The following UNC13B variants were observed in gnomAD, a reference collection of about 807,000 sequenced individuals.
The protein encoded by UNC13B is protein unc-13 homolog B.
UNC13B carries 144 observed loss-of-function variants against 211.0 expected under a neutral mutation model. That is an observed-to-expected ratio of 0.68 (90% CI 0.60 to 0.78). The LOEUF (loss-of-function observed/expected upper bound fraction) is 0.78, where lower values mean the gene tolerates loss of function less well. UNC13B is among the 30% of genes least tolerant of loss of function. The pLI, the probability that UNC13B is intolerant of heterozygous loss-of-function variation, is 0.00. For synonymous variants in UNC13B, 709 were observed against 725.8 expected (o/e 0.98, Z 0.37); for missense variants, 1,777 against 2,002.0 (o/e 0.89, Z 2.14).
intron 15 of UNC13B, 70 bp downstream of exon 15, chr9:35,376,317 G>A: frequency 2.0e-6 from 3 of 1,486,990 alleles, no homozygotes; most frequent in Non-Finnish European, 2.8e-6. Context: ...CTGCAGCAAA[G>A]AGCTGGGATG....
At chr9:35,392,723 C>T (rs1381396035) in intron 26 of UNC13B, among the ~76,000 whole-genome samples, 1 of 151,386 alleles carries the variant, frequency 6.6e-6, no homozygotes, top group African/African-American at 2.4e-5. Flanking sequence ...AGTGCACCAG[C>T]ATGGCACATG....
intron 11 of UNC13B, among the ~76,000 whole-genome samples, chr9:35,316,973 CA>C (rs202143711): frequency 6.6e-6 from 1 of 151,906 alleles, no homozygotes; most frequent in Non-Finnish European, 1.5e-5. Context: ...TTAGTTACAG[CA>C]AAAAAATTTT....
intron 1 of UNC13B, among the ~76,000 whole-genome samples, chr9:35,198,516 C>A (rs557851950): frequency 2.0e-5 from 3 of 152,042 alleles, no homozygotes; most frequent in Non-Finnish European, 4.4e-5. Flanking sequence ...TATAGCAGTA[C>A]GAGAACAGAC....
At chr9:35,355,608 A>G (rs577479548) in intron 11 of UNC13B, among the ~76,000 whole-genome samples, 3 of 152,160 alleles carry the variant, frequency 2.0e-5, no homozygotes, top group African/African-American at 7.2e-5. Context: ...TGCACTTTCT[A>G]TTCTTAATAC....
At chr9:35,246,243 G>A (rs1184292212) in intron 6 of UNC13B, among the ~76,000 whole-genome samples, 1 of 151,948 alleles carries the variant, frequency 6.6e-6, no homozygotes, top group Non-Finnish European at 1.5e-5. Context: ...GTAGATTCTG[G>A]ATATTAGCCC....
rs573643576 is a variant in UNC13B, at chr9:35,301,022, T to C, written c.1618T>C (p.Phe540Leu). 1.3e-4 allele frequency: 52 copies of C among 398,974 alleles called. No individual in the cohort carries two copies. In the East Asian group the frequency reaches 1.8e-3, roughly 14 times the overall value. 24.7% of individuals were successfully genotyped at this position (398,974 alleles called of 1,614,324 possible). A position where few individuals can be genotyped will look rare whatever the true frequency, so the allele number is the denominator to read the frequency against. Reference protein sequence around the residue: ...TGVQCAVGSLFSSLTEKVGSG... With the variant: ...TGVQCAVGSLLSSLTEKVGSG... ...AGTACAATGTGCTGTTGGTTCTTTG[T>C]TTAGTTCACTCACAGAAAAAGTGGG... The change falls in exon 9 of 40, where the codon TTT becomes CTT. Residue 540 changes from phenylalanine (F) to leucine (L), a missense_variant. Transcript: ENST00000635942.
At chr9:35,193,095 C>A (rs770610406) in intron 1 of UNC13B, among the ~76,000 whole-genome samples, 3 of 152,110 alleles carry the variant, frequency 2.0e-5, no homozygotes, top group Non-Finnish European at 2.9e-5. Context: ...CCTGTGATTT[C>A]CTTTGACTTC....
At position 35,398,295 on chromosome 9, in the gene UNC13B, C is replaced by G; in HGVS notation, c.11832+7C>G. 2 of 1,613,102 alleles carry G rather than the reference C, an allele frequency of 1.2e-6. No homozygotes were observed. Among genetic ancestry groups the G allele is most frequent in the Non-Finnish European group, 1.7e-6 (2 of 1,179,362 alleles). ...GGCCATGGGAGGCAAGGAGGTAGGTCTTAGGGTTTGGGAGTCACTGTATTT... is the reference window on the plus strand; with the variant it reads ...GGCCATGGGAGGCAAGGAGGTAGGTGTTAGGGTTTGGGAGTCACTGTATTT... On this transcript the variant is annotated splice_region_variant and intron_variant, in intron 31 of 39. Transcript: ENST00000635942.
chr9:35,219,233 G>T (rs944693042), intron 1 of UNC13B, among the ~76,000 whole-genome samples: 5 of 152,140 alleles, frequency 3.3e-5, no homozygotes, highest in African/African-American at 1.2e-4. Flanking sequence ...CATTGGCAGT[G>T]GAGTGGCTGG....
At chr9:35,315,690 A>G (rs1047281613) in intron 11 of UNC13B, among the ~76,000 whole-genome samples, 13 of 152,302 alleles carry the variant, frequency 8.5e-5, no homozygotes, top group African/African-American at 3.1e-4. Context: ...AACCATCCCA[A>G]CAATGTCTCT....
In UNC13B at chr9:35,366,964, C is replaced by A. The variant is rs1367135848; in HGVS notation, c.9432C>A (p.Asp3144Glu). The change falls in exon 12 of 40, where the codon GAC becomes GAA. Residue 3144 changes from aspartate to glutamate, a missense_variant. By Grantham distance (45) the Asp-to-Glu change is conservative (BLOSUM62 2). Coordinates refer to ENST00000635942, the MANE Select transcript of UNC13B (RefSeq NM_001371189.2). ...TTTTAAAGATTCCAGATGATGGTGA[C>A]CCCTCTCTGCCTCAGTGGCTCCCGG... Reference protein sequence around the residue: ...LQLQEIPDDGDPSLPQWLPEG... With the variant: ...LQLQEIPDDGEPSLPQWLPEG... 3 of 1,613,938 alleles carry A rather than the reference C, an allele frequency of 1.9e-6. No homozygotes were observed. In the African/African-American group the frequency reaches 4.0e-5, roughly 22 times the overall value.
rs138217802 is a variant in UNC13B, at chr9:35,220,325, A to G, written c.23-7690A>G. ...TATACTCTTAGTTATTTTAAAATGT[A>G]CAATAAATTATTATTGACTGTAGTC... On this transcript the variant is annotated intron_variant, in intron 1 of 39. Coordinates refer to ENST00000635942, the MANE Select transcript of UNC13B (RefSeq NM_001371189.2). Among the ~76,000 whole-genome samples the G allele has an allele frequency of 2.5e-3, 382 of 151,642 alleles. 5 individuals carry two copies. Among genetic ancestry groups the G allele is most frequent in the Non-Finnish European group, 4.0e-3 (272 of 67,956 alleles).
chr9:35,192,989 G>A (rs114297273), intron 1 of UNC13B, among the ~76,000 whole-genome samples: 1 of 152,226 alleles, frequency 6.6e-6, no homozygotes, highest in African/African-American at 2.4e-5. Context: ...TGTTTAATGT[G>A]CCACCCATGG....
intron 1 of UNC13B, among the ~76,000 whole-genome samples, chr9:35,180,928 TAA>T (rs11427601): frequency 1.1e-4 from 16 of 140,936 alleles, no homozygotes; most frequent in East Asian, 8.4e-4. Flanking sequence ...ACCCTGTCTT[TAA>T]AAAAAAAAAA....
At position 35,184,781 on chromosome 9, in the gene UNC13B, G is replaced by A. The variant is rs1004537394; in HGVS notation, c.22+22476G>A. Among the ~76,000 whole-genome samples the A allele has an allele frequency of 1.9e-3, 87 of 44,618 alleles. 1 individual carries two copies. In the South Asian group the frequency reaches 0.1, roughly 52 times the overall value. 29.3% of individuals were successfully genotyped at this position (44,618 alleles called of 152,430 possible). A position where few individuals can be genotyped will look rare whatever the true frequency, so the allele number is the denominator to read the frequency against. On this transcript the variant is annotated intron_variant, in intron 1 of 39. Transcript: ENST00000635942. ...GAAAGGAAGGAAGGAAGGAAGGAAG[G>A]AGAAAGAAAGAGAAAGAAGCGGGGG... is the stretch of plus-strand genomic sequence containing the variant.
At chr9:35,348,893 A>G (rs1225760934) in intron 11 of UNC13B, among the ~76,000 whole-genome samples, 1 of 152,100 alleles carries the variant, frequency 6.6e-6, no homozygotes, top group Non-Finnish European at 1.5e-5. Flanking sequence ...CAGAGCTTCC[A>G]TCTTAGTTTA....
intron 7 of UNC13B, among the ~76,000 whole-genome samples, chr9:35,272,874 T>C (rs1780466397): frequency 6.6e-6 from 1 of 152,214 alleles, no homozygotes; most frequent in African/African-American, 2.4e-5. Flanking sequence ...ACTTACCGTG[T>C]CTGAAACAAA....
intron 1 of UNC13B, among the ~76,000 whole-genome samples, chr9:35,225,047 A>G (rs565521036): frequency 2.0e-4 from 30 of 152,336 alleles, no homozygotes; most frequent in African/African-American, 7.0e-4. Flanking sequence ...TCAACACAGT[A>G]GAGGTCGTAT....
chr9:35,289,636 A>G (rs1828985150), intron 7 of UNC13B, among the ~76,000 whole-genome samples: 1 of 152,204 alleles, frequency 6.6e-6, no homozygotes, highest in Admixed American at 6.5e-5. Flanking sequence ...TCAAGATCAT[A>G]TAGCTAGTAA....
Sources: gnomAD v4.1 joint callset for allele counts (sites outside exome capture counted in the v4.1 genomes callset) on GRCh38, gnomAD v4.1.1 for gene constraint, MANE v1.5 for transcripts, NCBI Gene and HGNC (gene_info 2026-07-23, HGNC 2026-07-21) for gene names.